The following SLC8A1 variants were observed in gnomAD, a reference collection of about 807,000 sequenced individuals.
SLC8A1 encodes sodium/calcium exchanger 1.
Under a neutral mutation model 68.3 loss-of-function variants are expected in SLC8A1, and 18 were observed. The ratio of observed to expected loss-of-function variants is 0.26; its 90% confidence interval spans 0.18 to 0.39. The LOEUF is 0.39. Ranked by LOEUF, SLC8A1 falls within the 10% of genes least tolerant of loss-of-function variation. The pLI is 1.00. For missense variants in SLC8A1, 985 were observed against 1,156.7 expected, an observed-to-expected ratio of 0.85 and a Z score of 2.15; for synonymous variants, 475 against 415.5, an observed-to-expected ratio of 1.14 and a Z score of -1.74.
intron 2 of SLC8A1, among the ~76,000 whole-genome samples, chr2:40,402,307 G>A (rs1688984966): frequency 6.6e-6 from 1 of 152,150 alleles, no homozygotes; most frequent in African/African-American, 2.4e-5. Context: ...TCTAAACAGG[G>A]AGAACCCTCA....
intron 2 of SLC8A1, among the ~76,000 whole-genome samples, chr2:40,331,285 C>T (rs780445065): frequency 1.3e-5 from 2 of 152,120 alleles, no homozygotes. Context: ...TAGTGAGAGG[C>T]TAGAAAGTGA....
At chr2:40,220,745 G>A (rs992976896) in intron 2 of SLC8A1, among the ~76,000 whole-genome samples, 2 of 151,846 alleles carry the variant, frequency 1.3e-5, no homozygotes, top group African/African-American at 4.8e-5. Context: ...GTTCTTTTTT[G>A]TTCATCCTTT....
intron 1 of SLC8A1, among the ~76,000 whole-genome samples, chr2:40,494,627 G>T (rs1342784559): frequency 8.0e-6 from 1 of 124,826 alleles, no homozygotes; most frequent in Non-Finnish European, 1.6e-5. Flanking sequence ...ATGTACCCTA[G>T]AACTTAAAGT....
chr2:40,482,872 G>T (rs1187684097), intron 1 of SLC8A1, among the ~76,000 whole-genome samples: 5 of 147,068 alleles, frequency 3.4e-5, no homozygotes, highest in African/African-American at 1.3e-4. Context: ...CTCACTGCAA[G>T]CTCCGCCTCC....
At chr2:40,298,518 A>G (rs2070842024) in intron 2 of SLC8A1, among the ~76,000 whole-genome samples, 1 of 152,182 alleles carries the variant, frequency 6.6e-6, no homozygotes, top group Non-Finnish European at 1.5e-5. Flanking sequence ...GGGAGTACTC[A>G]TTTCAGGAAA....
At chr2:40,217,902 A>ATC (rs946078952) in intron 2 of SLC8A1, among the ~76,000 whole-genome samples, 5 of 150,992 alleles carry the variant, frequency 3.3e-5, no homozygotes, top group African/African-American at 1.2e-4. Context: ...CTTCTCTTAG[A>ATC]TTTGATCTGG....
At chr2:40,160,449 ACAGGGAATTTTC>A (rs2045468893) in intron 6 of SLC8A1, among the ~76,000 whole-genome samples, 2 of 152,088 alleles carry the variant, frequency 1.3e-5, no homozygotes, top group African/African-American at 2.4e-5. Context: ...TGTGCTGCTT[ACAGGGAATTTTC>A]CAGACAAAGC....
intron 6 of SLC8A1, among the ~76,000 whole-genome samples, chr2:40,157,485 C>T (rs1356759382): frequency 6.6e-6 from 1 of 152,122 alleles, no homozygotes; most frequent in Non-Finnish European, 1.5e-5. Context: ...TTGTGAAGAA[C>T]AATATGGTGG....
At chr2:40,480,420 G>A (rs1482043921) in intron 1 of SLC8A1, among the ~76,000 whole-genome samples, 3 of 152,156 alleles carry the variant, frequency 2.0e-5, no homozygotes, top group African/African-American at 7.2e-5. Context: ...CTTGCATCAT[G>A]TGTGGACACA....
intron 2 of SLC8A1, among the ~76,000 whole-genome samples, chr2:40,379,701 G>T (rs1681096170): frequency 6.6e-6 from 1 of 151,560 alleles, no homozygotes; most frequent in Non-Finnish European, 1.5e-5. Context: ...TCACCTTTGG[G>T]ACCCTGTGCC....
intron 2 of SLC8A1, among the ~76,000 whole-genome samples, chr2:40,227,024 C>T (rs2059066150): frequency 6.6e-6 from 1 of 152,066 alleles, no homozygotes; most frequent in Non-Finnish European, 1.5e-5. Flanking sequence ...GACTCACCAT[C>T]AAGTTTTAAA....
At chr2:40,203,366 G>A (rs2054775728) in intron 2 of SLC8A1, among the ~76,000 whole-genome samples, 1 of 152,012 alleles carries the variant, frequency 6.6e-6, no homozygotes, top group South Asian at 2.1e-4. Flanking sequence ...GATATATTTA[G>A]AAAGCAGGCA....
chr2:40,339,556 A>T lies in SLC8A1; in HGVS notation c.1808+88917T>A, dbSNP rs1335653891. ...ATTGTGAAAAGATAGTAACTGAAGT[A>T]CAAAGTAAATAAGTATATACATGTA... On this transcript the variant is annotated intron_variant, in intron 2 of 7. Transcript: ENST00000406785. Among the ~76,000 whole-genome samples the T allele has an allele frequency of 3.9e-5, 6 of 152,390 alleles. No homozygotes were observed. The East Asian group carries it at 9.6e-4, about 24-fold the overall frequency.
At chr2:40,454,245 G>A (rs1489319075), upstream of SLC8A1, among the ~76,000 whole-genome samples, 1 of 152,098 alleles carries the variant, frequency 6.6e-6, no homozygotes, top group Non-Finnish European at 1.5e-5. Context: ...CACTCAATAG[G>A]AAATAGAACA....
intron 2 of SLC8A1, among the ~76,000 whole-genome samples, chr2:40,231,056 T>C (rs2059586007): frequency 6.6e-6 from 1 of 152,196 alleles, no homozygotes; most frequent in Admixed American, 6.5e-5. Flanking sequence ...CTTGCTTGAT[T>C]CTCTGAACGG....
At chr2:40,122,210 A>ACACACACACACGTGTGCGCGCG (rs2037025657) in intron 7 of SLC8A1, among the ~76,000 whole-genome samples, 3 of 142,706 alleles carry the variant, frequency 2.1e-5, no homozygotes, top group Middle Eastern at 3.4e-3. Flanking sequence ...GCGCGCGCAC[A>ACACACACACACGTGTGCGCGCG]CACACACACA....
At chr2:40,224,393 A>G (rs1479702210) in intron 2 of SLC8A1, among the ~76,000 whole-genome samples, 2 of 152,144 alleles carry the variant, frequency 1.3e-5, no homozygotes, top group East Asian at 3.9e-4. Flanking sequence ...GAGGTTCCCA[A>G]GAGATACATT....
chr2:40,357,970 G>C (rs1266401420), intron 2 of SLC8A1, among the ~76,000 whole-genome samples: 3 of 142,400 alleles, frequency 2.1e-5, no homozygotes, highest in African/African-American at 7.8e-5. Flanking sequence ...TGATGTGTTT[G>C]TATAAAAAGG....
intron 2 of SLC8A1, among the ~76,000 whole-genome samples, chr2:40,248,121 C>T (rs191649184): frequency 2.0e-5 from 3 of 152,104 alleles, no homozygotes; most frequent in African/African-American, 4.8e-5. Context: ...GGAGTAAGTA[C>T]CAATTTCTAC....
Sources: allele counts gnomAD v4.1 joint callset (sites outside exome capture counted in the v4.1 genomes callset), GRCh38; gene constraint gnomAD v4.1.1; transcripts MANE v1.5; gene names NCBI Gene and HGNC (gene_info 2026-07-23, HGNC 2026-07-21).